Variants in VWDE observed in about 807,000 individuals in gnomAD.
VWDE encodes the protein von Willebrand factor D and EGF domains.
In VWDE, 207 loss-of-function variants were observed where a neutral mutation model predicts 178.4. The observed-to-expected ratio is 1.16, with a 90% CI of 1.04 to 1.30. The LOEUF (loss-of-function observed/expected upper bound fraction) is 1.30. Among genes scored for constraint, VWDE ranks in the 50% most tolerant of loss-of-function variants. VWDE has a pLI of 0.00. For synonymous variants in VWDE, 738 were observed against 651.4 expected (o/e 1.13, Z -2.02); for missense variants, 2,287 against 1,901.3 (o/e 1.20, Z -3.77).
intron 3 of VWDE, among the ~76,000 whole-genome samples, chr7:12,386,455 G>A (rs1027772920): frequency 1.3e-5 from 2 of 152,140 alleles, no homozygotes; most frequent in Non-Finnish European, 2.9e-5. Flanking sequence ...ATTGCACACA[G>A]AACAAAACGC....
intron 2 of VWDE, among the ~76,000 whole-genome samples, chr7:12,390,204 T>A (rs1784317290): frequency 6.6e-6 from 1 of 151,078 alleles, no homozygotes; most frequent in Non-Finnish European, 1.5e-5. Context: ...TAAACCTCAC[T>A]TGAAGTCATT....
chr7:12,360,546 T>C (rs923954418), intron 15 of VWDE, among the ~76,000 whole-genome samples: 3 of 152,170 alleles, frequency 2.0e-5, no homozygotes, highest in Non-Finnish European at 2.9e-5. Context: ...TAAATATTAT[T>C]TGTATGCACC....
Position 12,331,146 on chromosome 7 carries a change from T to C in VWDE, c.*37A>G. 6.6e-7 allele frequency: 1 copy of C among 1,508,818 alleles called. No individual in the cohort carries two copies. Among genetic ancestry groups the C allele is most frequent in the Non-Finnish European group, 8.9e-7 (1 of 1,122,044 alleles). 93.5% of individuals were successfully genotyped at this position (1,508,818 alleles called of 1,614,324 possible). A position where few individuals can be genotyped will look rare whatever the true frequency, so the allele number is the denominator to read the frequency against. ...TTTCTGAACAAAATATTTCCATTCT[T>C]AAGATACAGGCTTGTAATTCATATA... is the stretch of plus-strand genomic sequence containing the variant. On this transcript the variant is annotated 3_prime_UTR_variant, in exon 29 of 29. Transcript: ENST00000275358.
Position 12,377,912 on chromosome 7 carries a change from A to G in VWDE, c.888T>C (p.Pro296=). 1 of 1,432,846 alleles carries G rather than the reference A, an allele frequency of 7.0e-7. No individual in the cohort carries two copies. The highest frequency in any genetic ancestry group is 9.2e-7 in the Non-Finnish European group (1 of 1,092,882). 88.8% of individuals were successfully genotyped at this position (1,432,846 alleles called of 1,614,324 possible). A position where few individuals can be genotyped will look rare whatever the true frequency, so the allele number is the denominator to read the frequency against. The part of the protein sequence containing the change: ...QEFFAGFKLQ[P]ELSTISEDGK... ...CATCCTCTGATATAGTGCTCAATTCAGGCTGTAGCTGGTATAAGAAAATAC... is the reference window on the plus strand; with the variant it reads ...CATCCTCTGATATAGTGCTCAATTCGGGCTGTAGCTGGTATAAGAAAATAC... Residue 296 remains proline, a synonymous_variant, in exon 7 of 29, where the codon CCT becomes CCC. Coordinates refer to ENST00000275358, the MANE Select transcript of VWDE (RefSeq NM_001135924.3).
At chr7:12,402,639 T>G (rs1170709527) in intron 1 of VWDE, among the ~76,000 whole-genome samples, 1 of 152,214 alleles carries the variant, frequency 6.6e-6, no homozygotes, top group Admixed American at 6.5e-5. Flanking sequence ...ATTACATGTA[T>G]TTTTTAAAGT....
At chr7:12,354,918 G>A (rs1782142414) in intron 18 of VWDE, among the ~76,000 whole-genome samples, 1 of 151,888 alleles carries the variant, frequency 6.6e-6, no homozygotes, top group South Asian at 2.1e-4. Context: ...TGTTAGGAAA[G>A]TCAGTCCGTC....
intron 4 of VWDE, among the ~76,000 whole-genome samples, chr7:12,381,724 C>T (rs766039052): frequency 6.6e-5 from 10 of 151,714 alleles, no homozygotes; most frequent in Non-Finnish European, 1.3e-4. Flanking sequence ...TAATAAACTA[C>T]TTTTGAATAT....
chr7:12,370,865 C>G lies in VWDE; in HGVS notation c.1588-1G>C. 1 of 1,507,708 alleles carries G rather than the reference C, an allele frequency of 6.6e-7. No individual in the cohort carries two copies. The highest frequency in any genetic ancestry group is 1.3e-5 in the South Asian group (1 of 74,926). The allele number at this position is 1,507,708 out of a possible 1,614,324, so 93.4% of individuals were successfully genotyped here. On this transcript the variant is annotated splice_acceptor_variant, in intron 10 of 28. Coordinates refer to ENST00000275358, the MANE Select transcript of VWDE (RefSeq NM_001135924.3). LOFTEE classifies it high-confidence loss of function. ...TAAATGCCCCAGAAGAAAACCAGAT[C>G]TGAAAAACAGAAATAAATACAGAAA...
At chr7:12,331,263 A>T in intron 28 of VWDE, 66 bp from the exon 29 acceptor site, 1 of 1,366,828 alleles carries the variant, frequency 7.3e-7, no homozygotes, top group Non-Finnish European at 1.0e-6. Context: ...CTTACTCATT[A>T]TTTGTTGCCT....
In VWDE at chr7:12,393,727, C is replaced by T; in HGVS notation, c.110G>A (p.Ser37Asn). 4 of 1,551,136 alleles carry T rather than the reference C, an allele frequency of 2.6e-6. No homozygotes were observed. Among genetic ancestry groups the T allele is most frequent in the African/African-American group, 1.4e-5 (1 of 73,114 alleles). ...GHQFLRSPYR[S>N]VRFDSWHLQQ... is the part of the protein sequence containing the mutation. The stretch of plus-strand genomic sequence containing the variant: ...GAGGTGCCATGAGTCAAAACGGACA[C>T]TTCTATAAGGACTCCGAAGAAACTG... Residue 37 changes from serine to asparagine, a missense_variant, in exon 2 of 29, where the codon AGT becomes AAT. Transcript: ENST00000275358.
At chr7:12,372,114 G>C (rs1383794550) in intron 10 of VWDE, among the ~76,000 whole-genome samples, 1 of 151,940 alleles carries the variant, frequency 6.6e-6, no homozygotes, top group Non-Finnish European at 1.5e-5. Context: ...CGAGGTTAAA[G>C]TTTTCATATT....
At chr7:12,389,082 G>T in intron 3 of VWDE, 45 bp downstream of exon 3, 1 of 1,271,854 alleles carries the variant, frequency 7.9e-7, no homozygotes, top group Non-Finnish European at 1.1e-6. Context: ...ACGAATGGCA[G>T]AGTTCCATGA....
chr7:12,400,250 A>C (rs1378661061), intron 1 of VWDE, among the ~76,000 whole-genome samples: 1 of 152,122 alleles, frequency 6.6e-6, no homozygotes, highest in East Asian at 1.9e-4. Flanking sequence ...TGAGTATAGA[A>C]AAACAATAGA....
chr7:12,366,595 G>T (rs17274870), intron 13 of VWDE, among the ~76,000 whole-genome samples: 14,641 of 152,090 alleles, frequency 0.096, 935 homozygotes, highest in Non-Finnish European at 0.14. Flanking sequence ...TAGCATACTT[G>T]TGTTTAACTA....
intron 7 of VWDE, among the ~76,000 whole-genome samples, chr7:12,377,394 T>C (rs1783587639): frequency 6.6e-6 from 1 of 152,122 alleles, no homozygotes. Flanking sequence ...ATGTCTCTCA[T>C]TGGGGATGAT....
chr7:12,333,437 T>C (rs749351177), intron 28 of VWDE, 28 bp downstream of exon 28: 1 of 1,391,566 alleles, frequency 7.2e-7, no homozygotes, highest in Non-Finnish European at 9.9e-7. Flanking sequence ...ATGTCTAATA[T>C]TTATTTTCTC....
At chr7:12,380,437 G>C (rs1325746933) in intron 5 of VWDE, 49 bp downstream of exon 5, 2 of 1,523,242 alleles carry the variant, frequency 1.3e-6, no homozygotes, top group South Asian at 2.5e-5. Context: ...AATCGTGTTT[G>C]AAAATCAATA....
At chr7:12,339,995 C>T (rs190177377) in intron 24 of VWDE, among the ~76,000 whole-genome samples, 106 of 152,166 alleles carry the variant, frequency 7.0e-4, no homozygotes, top group Admixed American at 1.3e-3. Flanking sequence ...AACATTTTTG[C>T]TGTGTAGGCA....
At chr7:12,373,931 G>C (rs2128556587) in intron 9 of VWDE, among the ~76,000 whole-genome samples, 1 of 152,170 alleles carries the variant, frequency 6.6e-6, no homozygotes, top group East Asian at 1.9e-4. Context: ...CTTAACACCT[G>C]TTGACACCAT....
Sources: gnomAD v4.1 joint callset for allele counts (sites outside exome capture counted in the v4.1 genomes callset) on GRCh38, gnomAD v4.1.1 for gene constraint, MANE v1.5 for transcripts, NCBI Gene and HGNC (gene_info 2026-07-23, HGNC 2026-07-21) for gene names.